SDK1: variants seen among roughly 807,000 people sequenced by gnomAD.
The protein encoded by SDK1 is sidekick cell adhesion molecule 1.
SDK1 carries 157 observed loss-of-function variants against 245.5 expected under a neutral mutation model. That is an observed-to-expected ratio of 0.64 (90% CI 0.56 to 0.73). The LOEUF is 0.73. Ranked by LOEUF, SDK1 falls within the 30% of genes least tolerant of loss-of-function variation. The pLI, the probability that SDK1 is intolerant of heterozygous loss-of-function variation, is 0.00. For synonymous variants in SDK1, 1,647 were observed against 1,278.5 expected, an observed-to-expected ratio of 1.29 and a Z score of -6.15; for missense variants, 3,583 against 3,002.3, an observed-to-expected ratio of 1.19 and a Z score of -4.52.
rs869083123 is a variant in SDK1, at chr7:3,474,091, GTTTTTTTTTTTTTTT to G, written c.299-144972_299-144958del. ...CAACTTGACATCTCTACCAGATGGTGTTTTTTTTTTTTTTTTTTTTTTTTTTTTTTTGAGACCGTG... is the reference window on the plus strand; with the variant it reads ...CAACTTGACATCTCTACCAGATGGTGTTTTTTTTTTTTTTTTGAGACCGTG... On this transcript the variant is annotated intron_variant, in intron 1 of 44. Coordinates refer to ENST00000404826, the MANE Select transcript of SDK1 (RefSeq NM_152744.4). 2.1e-4 allele frequency among the ~76,000 whole-genome samples: 9 copies of G among 43,212 alleles called. 1 individual carries two copies. Among genetic ancestry groups the G allele is most frequent in the Middle Eastern group, 0.071 (2 of 28 alleles). The allele number at this position is 43,212 out of a possible 152,430, so 28.3% of individuals were successfully genotyped here.
chr7:3,635,997 T>C (rs748898670), intron 2 of SDK1, among the ~76,000 whole-genome samples: 18 of 152,364 alleles, frequency 1.2e-4, no homozygotes, highest in Middle Eastern at 3.4e-3. Context: ...TCTTTTGTTT[T>C]TTGTTCAAAT....
chr7:3,322,479 T>C (rs1779841758), intron 1 of SDK1, among the ~76,000 whole-genome samples: 1 of 152,180 alleles, frequency 6.6e-6, no homozygotes, highest in Admixed American at 6.5e-5. Context: ...TTCTCTTCTT[T>C]TTGGTATATG....
At chr7:3,488,537 G>C (rs916653686) in intron 1 of SDK1, among the ~76,000 whole-genome samples, 5 of 152,106 alleles carry the variant, frequency 3.3e-5, no homozygotes, top group African/African-American at 9.7e-5. Context: ...GGCTTAGTTT[G>C]TGGCAACATA....
At chr7:3,789,795 G>A (rs1781022607) in intron 4 of SDK1, among the ~76,000 whole-genome samples, 1 of 152,122 alleles carries the variant, frequency 6.6e-6, no homozygotes, top group Non-Finnish European at 1.5e-5. Flanking sequence ...ACCTTTGCAG[G>A]ATAGAAAGCA....
intron 1 of SDK1, among the ~76,000 whole-genome samples, chr7:3,552,132 G>A (rs754416195): frequency 3.5e-4 from 53 of 151,848 alleles, no homozygotes; most frequent in Non-Finnish European, 5.9e-4. Flanking sequence ...TCCACCTCCC[G>A]GGTTCATGCC....
At chr7:3,741,346 G>C (rs1176446930) in intron 4 of SDK1, among the ~76,000 whole-genome samples, 12 of 152,160 alleles carry the variant, frequency 7.9e-5, no homozygotes, top group African/African-American at 2.4e-5. Flanking sequence ...TGTTCTCCCA[G>C]CTCCCAGGGG....
At chr7:4,178,387 A>T in intron 34 of SDK1, 98 bp from the exon 35 acceptor site, 1 of 851,302 alleles carries the variant, frequency 1.2e-6, no homozygotes, top group Non-Finnish European at 2.0e-6. Context: ...CTCTCCTTGG[A>T]GGGTGCTCCT....
At chr7:3,687,131 G>T (rs1784309482) in intron 4 of SDK1, among the ~76,000 whole-genome samples, 1 of 144,176 alleles carries the variant, frequency 6.9e-6, no homozygotes, top group South Asian at 2.1e-4. Context: ...TTGTTTCCAA[G>T]ACAAATGAAA....
intron 4 of SDK1, among the ~76,000 whole-genome samples, chr7:3,744,339 T>C (rs1779557071): frequency 6.6e-6 from 1 of 152,158 alleles, no homozygotes; most frequent in African/African-American, 2.4e-5. Context: ...TTAGCTTCTT[T>C]GTCTGTTCAT....
chr7:3,517,998 C>G (rs1269748182), intron 1 of SDK1, among the ~76,000 whole-genome samples: 2 of 151,998 alleles, frequency 1.3e-5, no homozygotes, highest in African/African-American at 4.8e-5. Flanking sequence ...GAGAAGCTTA[C>G]CAGAAGTACT....
rs182643621 is a variant in SDK1, at chr7:3,689,270, T to G, written c.713+47165T>G. On this transcript the variant is annotated intron_variant, in intron 4 of 44. Transcript: ENST00000404826. The stretch of plus-strand genomic sequence containing the variant: ...AGCTATGGGGACCTGATGATTCACC[T>G]CTCCCACAAAGATGTCAGCCCGAGC... 1.9e-3 allele frequency among the ~76,000 whole-genome samples: 290 copies of G among 152,234 alleles called. 2 individuals carry two copies. The highest frequency in any genetic ancestry group is 6.8e-3 in the African/African-American group (281 of 41,532).
chr7:3,989,624 C>T (rs953483910), intron 14 of SDK1, among the ~76,000 whole-genome samples: 1 of 152,154 alleles, frequency 6.6e-6, no homozygotes, highest in African/African-American at 2.4e-5. Context: ...GTGGTGCACT[C>T]TCGGGTACCC....
chr7:3,811,679 G>A (rs1448253399), intron 4 of SDK1, among the ~76,000 whole-genome samples: 1 of 152,212 alleles, frequency 6.6e-6, no homozygotes, highest in East Asian at 1.9e-4. Context: ...CAGCCCCGCA[G>A]TTCAGGAGGG....
intron 40 of SDK1, chr7:4,227,532 G>T (rs1264239483): frequency 2.2e-6 from 1 of 451,746 alleles, no homozygotes; most frequent in Non-Finnish European, 4.6e-6. Context: ...AGAAATGGCA[G>T]TATTTAAGAA....
intron 14 of SDK1, among the ~76,000 whole-genome samples, chr7:4,000,192 A>G (rs1784969916): frequency 6.6e-6 from 1 of 152,070 alleles, no homozygotes; most frequent in Non-Finnish European, 1.5e-5. Flanking sequence ...TGCTGAGGAA[A>G]CCGGTCTGGG....
At chr7:4,169,468 A>G (rs143419195) in intron 32 of SDK1, among the ~76,000 whole-genome samples, 148 of 152,112 alleles carry the variant, frequency 9.7e-4, no homozygotes, top group Non-Finnish European at 1.8e-3. Flanking sequence ...TTCTCCCCTC[A>G]TCAAAAGCCG....
intron 1 of SDK1, among the ~76,000 whole-genome samples, chr7:3,581,853 G>A (rs981479137): frequency 6.6e-6 from 1 of 152,226 alleles, no homozygotes; most frequent in Non-Finnish European, 1.5e-5. Context: ...GCAGGGACAT[G>A]GGTGAAGCTG....
chr7:3,750,523 T>C (rs190163594), intron 4 of SDK1, among the ~76,000 whole-genome samples: 1 of 152,076 alleles, frequency 6.6e-6, no homozygotes, highest in Non-Finnish European at 1.5e-5. Flanking sequence ...CGAGAGAGAT[T>C]GAGAGGGATT....
At position 3,974,427 on chromosome 7, in the gene SDK1, G is replaced by A; in HGVS notation, c.1876G>A (p.Val626Met). The A allele has an allele frequency of 5.0e-6, 8 of 1,614,182 alleles. No individual in the cohort carries two copies. The highest frequency in any genetic ancestry group is 5.9e-6 in the Non-Finnish European group (7 of 1,180,032). ...TCCATCGAGCACGTCTAGGATCGTG[G>A]TGGAGAAGGACGGGTCCCTTCTCAT... ...LTPSSTSRIVVEKDGSLLISQ... is the reference protein window; with the variant it reads ...LTPSSTSRIVMEKDGSLLISQ... Residue 626 changes from valine (V) to methionine (M), a missense_variant, in exon 13 of 45, where the codon GTG becomes ATG. Physicochemically the swap from Val to Met is conservative, Grantham distance 21. Coordinates refer to ENST00000404826, the MANE Select transcript of SDK1 (RefSeq NM_152744.4).
Sources: allele counts gnomAD v4.1 joint callset (sites outside exome capture counted in the v4.1 genomes callset), GRCh38; gene constraint gnomAD v4.1.1; transcripts MANE v1.5; gene names NCBI Gene and HGNC (gene_info 2026-07-23, HGNC 2026-07-21).